The following KHDC1 variants were observed in gnomAD, a reference collection of about 807,000 sequenced individuals.
KHDC1 encodes the protein KH homology domain-containing protein 1.
KHDC1 carries 21 observed loss-of-function variants against 24.7 expected under a neutral mutation model. That is an observed-to-expected ratio of 0.85 (90% confidence interval 0.60 to 1.23). KHDC1 has a LOEUF of 1.23. KHDC1 is among the 50% of genes most tolerant of loss of function. KHDC1 has a pLI of 0.00. For synonymous variants in KHDC1, 98 were observed against 111.7 expected (o/e 0.88, Z 0.77); for missense variants, 274 against 298.5 (o/e 0.92, Z 0.61).
At chr6:73,288,803 CAAAAA>C (rs33926109) in intron 2 of KHDC1, among the ~76,000 whole-genome samples, 11 of 78,566 alleles carry the variant, frequency 1.4e-4, no homozygotes, top group South Asian at 4.7e-4. Context: ...ACCCCCATCT[CAAAAA>C]AAAAAAAAAA....
At chr6:73,254,964 T>C (rs1766854695) in intron 2 of KHDC1, among the ~76,000 whole-genome samples, 1 of 150,974 alleles carries the variant, frequency 6.6e-6, no homozygotes, top group Admixed American at 6.6e-5. Flanking sequence ...ATCGCGCCAT[T>C]GCACTCCAGC....
rs193008840 is a variant in KHDC1 at position 73,292,935 on chromosome 6, T to C, written c.164-895A>G. ...TTCTTGGTGGCTTGTCTTAAGGATT[T>C]CATTGACAATGCCCATCTCTTCATA... On this transcript the variant is annotated intron_variant, in intron 1 of 4. Coordinates refer to ENST00000370384, the Ensembl canonical transcript of KHDC1. 3.2e-5 allele frequency: 27 copies of C among 845,732 alleles called. No homozygotes were observed. In the East Asian group the frequency reaches 5.0e-4, roughly 16 times the overall value. 52.4% of individuals were successfully genotyped at this position (845,732 alleles called of 1,614,324 possible).
At chr6:73,264,685 TATC>T in intron 2 of KHDC1, among the ~76,000 whole-genome samples, 1 of 152,164 alleles carries the variant, frequency 6.6e-6, no homozygotes, top group Non-Finnish European at 1.5e-5. Context: ...AGTCATGTGG[TATC>T]ATAGGCCAGG....
At chr6:73,307,534 C>A (rs1300580449) in intron 1 of KHDC1, among the ~76,000 whole-genome samples, 1 of 152,190 alleles carries the variant, frequency 6.6e-6, no homozygotes, top group African/African-American at 2.4e-5. Flanking sequence ...CAATTGCCCA[C>A]ACACACATCC....
chr6:73,241,887 C>T (rs1344301661), intron 4 of KHDC1, among the ~76,000 whole-genome samples, 159 bp from the exon 4 acceptor site: 1 of 152,178 alleles, frequency 6.6e-6, no homozygotes, highest in East Asian at 1.9e-4. Context: ...CCACCTTAAG[C>T]AATCTCATGC....
intron 2 of KHDC1, among the ~76,000 whole-genome samples, chr6:73,255,368 G>A (rs935625470): frequency 7.3e-5 from 11 of 150,752 alleles, no homozygotes; most frequent in Admixed American, 1.3e-4. Context: ...TATGGGGCAC[G>A]CCACCACGCC....
At chr6:73,261,350 C>T (rs1301099748) in intron 2 of KHDC1, among the ~76,000 whole-genome samples, 2 of 151,046 alleles carry the variant, frequency 1.3e-5, no homozygotes, top group Non-Finnish European at 2.9e-5. Flanking sequence ...GGCTGAGGCA[C>T]GAGAATGGCT....
At chr6:73,280,981 G>T (rs542714660) in intron 2 of KHDC1, among the ~76,000 whole-genome samples, 1 of 152,058 alleles carries the variant, frequency 6.6e-6, no homozygotes, top group Admixed American at 6.5e-5. Flanking sequence ...GACCAAGTAG[G>T]GCAAATCACT....
chr6:73,279,020 G>C (rs145911988), intron 2 of KHDC1, among the ~76,000 whole-genome samples: 1 of 152,240 alleles, frequency 6.6e-6, no homozygotes, highest in African/African-American at 2.4e-5. Flanking sequence ...TGAGACCCTA[G>C]GTACACAGTT....
intron 2 of KHDC1, among the ~76,000 whole-genome samples, chr6:73,265,452 C>T (rs1338050274): frequency 6.8e-6 from 1 of 146,828 alleles, no homozygotes; most frequent in African/African-American, 2.6e-5. Context: ...TTGCTAGAAC[C>T]TGGGAGGTGG....
Position 73,253,325 on chromosome 6 carries a change from G to C in KHDC1, c.207-10795C>G, listed in dbSNP as rs368947264. 1.1e-4 allele frequency among the ~76,000 whole-genome samples: 16 copies of C among 152,192 alleles called. 1 individual carries two copies. Among genetic ancestry groups the C allele is most frequent in the African/African-American group, 3.6e-4 (15 of 41,514 alleles). ...AATCCCAGCACTTTGGGAGGCCGAG[G>C]GGGGTGGATCACAAGGTCAGGAGAT... On this transcript the variant is annotated intron_variant, in intron 2 of 4. Coordinates refer to ENST00000370384, the Ensembl canonical transcript of KHDC1.
intron 1 of KHDC1, among the ~76,000 whole-genome samples, chr6:73,306,476 C>G (rs898782197): frequency 1.3e-5 from 2 of 152,118 alleles, no homozygotes; most frequent in African/African-American, 4.8e-5. Flanking sequence ...ACATGCATCC[C>G]CATTTAAATT....
chr6:73,253,982 T>C (rs1261502397), intron 2 of KHDC1, among the ~76,000 whole-genome samples: 1 of 151,952 alleles, frequency 6.6e-6, no homozygotes, highest in Non-Finnish European at 1.5e-5. Context: ...ATAATAAAAA[T>C]AATAAAAATT....
At chr6:73,293,522 A>G (rs1289318966) in intron 1 of KHDC1, among the ~76,000 whole-genome samples, 1 of 152,206 alleles carries the variant, frequency 6.6e-6, no homozygotes, top group Non-Finnish European at 1.5e-5. Flanking sequence ...GCTGACGCCC[A>G]TGATCCCCGC....
chr6:73,256,121 A>C (rs1039931575), intron 2 of KHDC1, among the ~76,000 whole-genome samples: 1 of 152,182 alleles, frequency 6.6e-6, no homozygotes, highest in African/African-American at 2.4e-5. Context: ...CCTTAGGCCT[A>C]GTAATTTCGA....
intron 1 of KHDC1, among the ~76,000 whole-genome samples, chr6:73,304,677 A>T (rs571501856): frequency 6.6e-6 from 1 of 152,294 alleles, no homozygotes; most frequent in South Asian, 2.1e-4. Context: ...AACAAAAATT[A>T]AGTAAAATCA....
chr6:73,254,155 GATA>G (rs1422665894), intron 2 of KHDC1, among the ~76,000 whole-genome samples: 3 of 151,906 alleles, frequency 2.0e-5, no homozygotes, highest in East Asian at 3.9e-4. Context: ...AAAATCCACA[GATA>G]ATAAATATAA....
chr6:73,242,231 C>T, exon 4 of KHDC1: 1 of 1,612,760 alleles, frequency 6.2e-7, no homozygotes, highest in Non-Finnish European at 8.5e-7. Flanking sequence ...GTATGTGTCA[C>T]CATGCCCTGT....
intron 2 of KHDC1, among the ~76,000 whole-genome samples, chr6:73,277,617 G>A (rs1231236773): frequency 5.3e-5 from 8 of 152,024 alleles, no homozygotes; most frequent in African/African-American, 1.9e-4. Flanking sequence ...TTGGGAGACC[G>A]AGGCAGGAAG....
Sources: allele counts gnomAD v4.1 joint callset (sites outside exome capture counted in the v4.1 genomes callset), GRCh38; gene constraint gnomAD v4.1.1; transcripts MANE v1.5; gene names NCBI Gene and HGNC (gene_info 2026-07-23, HGNC 2026-07-21).